AKAP13: variants seen among roughly 807,000 people sequenced by gnomAD.
AKAP13 encodes the protein A-kinase anchoring protein 13, also known as A-kinase anchor protein 13.
In AKAP13, 80 loss-of-function variants were observed where a neutral mutation model predicts 264.5. That is an observed-to-expected ratio of 0.30 (90% CI 0.25 to 0.36). AKAP13 has a LOEUF of 0.36. AKAP13 is among the 10% of genes least tolerant of loss of function. The probability of loss-of-function intolerance (pLI) is 1.00; values close to 1 mark genes in which losing one functional copy is unlikely to be tolerated. For synonymous variants in AKAP13, 1,380 were observed against 1,250.2 expected (o/e 1.10, Z -2.19); for missense variants, 3,712 against 3,435.2 (o/e 1.08, Z -2.01).
In AKAP13 at chr15:85,399,528, AAATAAAAAAAT is replaced by A. The variant is rs1567038689; in HGVS notation, c.-12+18733_-12+18743del. ...AAAAAAAAAAAAAAAAAAAATAAAA[AAATAAAAAAAT>A]AAATAAATAAATAAATAAAGTTTTA... On this transcript the variant is annotated intron_variant, in intron 1 of 36. Transcript: ENST00000394518. 9.1e-3 allele frequency among the ~76,000 whole-genome samples: 1,021 copies of A among 112,120 alleles called. 35 individuals carry two copies. Among genetic ancestry groups the A allele is most frequent in the African/African-American group, 0.032 (896 of 28,312 alleles). 73.6% of individuals were successfully genotyped at this position (112,120 alleles called of 152,430 possible).
chr15:85,745,781 C>G lies in AKAP13; in HGVS notation c.*1104C>G, dbSNP rs1397376444. The G allele has an allele frequency of 6.6e-6, 1 of 152,314 alleles. No homozygotes were observed. Among genetic ancestry groups the G allele is most frequent in the Non-Finnish European group, 1.5e-5 (1 of 68,096 alleles). 9.4% of individuals were successfully genotyped at this position (152,314 alleles called of 1,614,324 possible). A position where few individuals can be genotyped will look rare whatever the true frequency, so the allele number is the denominator to read the frequency against. On this transcript the variant is annotated 3_prime_UTR_variant, in exon 37 of 37. Coordinates refer to ENST00000394518, the MANE Select transcript of AKAP13 (RefSeq NM_007200.5). ...AGGGTGAAGCCATGTGTAGCAGTTC[C>G]TGCCAGTGCAGATCTGGAGAGGAGC...
chr15:85,596,491 G>A (rs1462769057), intron 8 of AKAP13, among the ~76,000 whole-genome samples: 1 of 152,076 alleles, frequency 6.6e-6, no homozygotes, highest in Non-Finnish European at 1.5e-5. Context: ...GCTGAGGTGG[G>A]AGGATCATCT....
chr15:85,736,209 T>C, intron 33 of AKAP13, 75 bp downstream of exon 33: 1 of 1,160,878 alleles, frequency 8.6e-7, no homozygotes, highest in East Asian at 2.6e-5. Context: ...GTTTTTTCCT[T>C]TTTTTTTTTT....
At chr15:85,678,245 C>G (rs1249704044) in intron 14 of AKAP13, among the ~76,000 whole-genome samples, 1 of 152,166 alleles carries the variant, frequency 6.6e-6, no homozygotes, top group East Asian at 1.9e-4. Flanking sequence ...TATTATGAGT[C>G]TGAGACAATT....
chr15:85,658,717 A>G (rs1270461485), intron 12 of AKAP13, 127 bp downstream of exon 12: 12 of 643,420 alleles, frequency 1.9e-5, no homozygotes, highest in Admixed American at 3.1e-5. Flanking sequence ...AATTCAGGCA[A>G]ATAAAATATA....
chr15:85,652,043 ATAT>A (rs548477412), intron 10 of AKAP13, among the ~76,000 whole-genome samples: 41 of 152,336 alleles, frequency 2.7e-4, no homozygotes, highest in African/African-American at 9.1e-4. Context: ...GAGTATAAGA[ATAT>A]TATTCTGTGT....
intron 1 of AKAP13, among the ~76,000 whole-genome samples, chr15:85,400,828 T>C (rs2071384446): frequency 6.7e-6 from 1 of 150,126 alleles, no homozygotes; most frequent in Non-Finnish European, 1.5e-5. Context: ...AGCTGATTAA[T>C]CATAATTTAG....
chr15:85,650,726 A>G (rs937670666), intron 10 of AKAP13, among the ~76,000 whole-genome samples: 1 of 131,276 alleles, frequency 7.6e-6, no homozygotes, highest in African/African-American at 2.8e-5. Context: ...ACCATACTCC[A>G]GCCTGGGCAA....
intron 1 of AKAP13, among the ~76,000 whole-genome samples, chr15:85,471,980 ATC>A (rs1456015937): frequency 1.3e-5 from 2 of 152,142 alleles, no homozygotes; most frequent in Non-Finnish European, 2.9e-5. Flanking sequence ...TTTACCATGT[ATC>A]TCTCTATTTT....
At chr15:85,541,306 G>A (rs1385577375) in intron 4 of AKAP13, among the ~76,000 whole-genome samples, 2 of 152,186 alleles carry the variant, frequency 1.3e-5, no homozygotes, top group Non-Finnish European at 2.9e-5. Context: ...AAGGTGGATC[G>A]ATGGGGAAAT....
chr15:85,642,578 T>C (rs976151994), intron 9 of AKAP13, among the ~76,000 whole-genome samples: 1 of 152,258 alleles, frequency 6.6e-6, no homozygotes, highest in Non-Finnish European at 1.5e-5. Flanking sequence ...GTTATAATGG[T>C]TTACGGTCCC....
At chr15:85,702,045 A>C (rs1196644904) in intron 17 of AKAP13, 2 of 152,012 alleles carry the variant, frequency 1.3e-5, no homozygotes, top group Non-Finnish European at 2.9e-5. Context: ...GGCGTTCAAG[A>C]CCAGCCTGAC....
intron 2 of AKAP13, among the ~76,000 whole-genome samples, chr15:85,488,263 A>G (rs1231655643): frequency 6.6e-6 from 1 of 152,186 alleles, no homozygotes; most frequent in African/African-American, 2.4e-5. Flanking sequence ...GCAACCTGGC[A>G]TTTCTGAGGT....
rs145153773 is a variant in AKAP13 at position 85,558,735 on chromosome 15, A to G, written c.662+14780A>G. The stretch of plus-strand genomic sequence containing the variant: ...TTCATATTTAGTTCTTAATCTTTCT[A>G]TCATGTTTAAGTTTCTCATGATCTT... On this transcript the variant is annotated intron_variant, in intron 5 of 36. Transcript: ENST00000394518. Among the ~76,000 whole-genome samples, 16 of 152,266 alleles carry G rather than the reference A, an allele frequency of 1.1e-4. 1 individual carries two copies. In the Middle Eastern group the frequency reaches 0.014, roughly 129 times the overall value.
chr15:85,724,928 G>A lies in AKAP13; in HGVS notation c.6746-1482G>A, dbSNP rs2087516411. Among the ~76,000 whole-genome samples the A allele has an allele frequency of 6.6e-6, 1 of 152,066 alleles. No individual in the cohort carries two copies. Among genetic ancestry groups the A allele is most frequent in the African/African-American group, 2.4e-5 (1 of 41,398 alleles). ...GGTTCTGTGATAAACTTAAACTAAG[G>A]CTCCTTCCCTCCAGTCTTAATATTC... On this transcript the variant is annotated intron_variant, in intron 26 of 36. Transcript: ENST00000394518. This position sits in a 1 kb window ranked among gnomAD's most constrained non-coding sequence, Gnocchi z 4.2.
chr15:85,583,788 A>T (rs2079221321), intron 7 of AKAP13, among the ~76,000 whole-genome samples: 1 of 152,198 alleles, frequency 6.6e-6, no homozygotes, highest in Non-Finnish European at 1.5e-5. Context: ...TTATTAGCAC[A>T]TATAGTAAAG....
At chr15:85,421,708 G>C (rs1289436639) in intron 1 of AKAP13, among the ~76,000 whole-genome samples, 4 of 152,154 alleles carry the variant, frequency 2.6e-5, no homozygotes, top group African/African-American at 9.7e-5. Context: ...TTCCTCCTCT[G>C]TTAATGAGTT....
chr15:85,472,620 C>G (rs1254967915), intron 1 of AKAP13, among the ~76,000 whole-genome samples: 2 of 152,162 alleles, frequency 1.3e-5, no homozygotes, highest in East Asian at 3.8e-4. Context: ...GTAGTTGAGA[C>G]TATAGGTGTG....
At chr15:85,497,797 T>C (rs1180640865) in intron 2 of AKAP13, among the ~76,000 whole-genome samples, 1 of 152,090 alleles carries the variant, frequency 6.6e-6, no homozygotes, top group Admixed American at 6.5e-5. Flanking sequence ...AAAGGAAGTA[T>C]GGGGTTTTAC....
Sources: gnomAD v4.1 joint callset for allele counts (sites outside exome capture counted in the v4.1 genomes callset) on GRCh38, gnomAD v4.1.1 for gene constraint, Gnocchi (gnomAD v3.1) non-coding constraint, MANE v1.5 for transcripts, NCBI Gene and HGNC (gene_info 2026-07-23, HGNC 2026-07-21) for gene names.